TENM4: variants seen among roughly 807,000 people sequenced by gnomAD.
TENM4 encodes teneurin transmembrane protein 4.
A neutral mutation model predicts 243.3 loss-of-function variants in TENM4; 82 were observed. The observed-to-expected ratio is 0.34, with a 90% CI of 0.28 to 0.40. The LOEUF (loss-of-function observed/expected upper bound fraction) is 0.40. Ranked by LOEUF, TENM4 falls within the 10% of genes least tolerant of loss-of-function variation. The pLI, the probability that TENM4 is intolerant of heterozygous loss-of-function variation, is 1.00. For synonymous variants in TENM4, 1,412 were observed against 1,456.3 expected (o/e 0.97, Z 0.69); for missense variants, 3,138 against 3,673.3 (o/e 0.85, Z 3.77).
intron 2 of TENM4, among the ~76,000 whole-genome samples, chr11:79,218,740 T>C (rs944224703): frequency 2.6e-5 from 4 of 152,230 alleles, no homozygotes; most frequent in African/African-American, 9.7e-5. Flanking sequence ...ATTCCCTTTT[T>C]TTCCCAGAGT....
chr11:78,697,265 C>T (rs563015733), intron 28 of TENM4, among the ~76,000 whole-genome samples: 6 of 152,170 alleles, frequency 3.9e-5, no homozygotes, highest in South Asian at 4.1e-4. Context: ...TCTTTCTCCC[C>T]GGAGCTGGTG....
intron 3 of TENM4, among the ~76,000 whole-genome samples, chr11:79,201,620 G>T (rs1245414397): frequency 6.6e-6 from 1 of 152,044 alleles, no homozygotes; most frequent in African/African-American, 2.4e-5. Context: ...GAATCAACCA[G>T]AATTCCTGCC....
At chr11:78,913,171 T>A (rs1856229516) in intron 6 of TENM4, among the ~76,000 whole-genome samples, 1 of 152,228 alleles carries the variant, frequency 6.6e-6, no homozygotes, top group Non-Finnish European at 1.5e-5. Context: ...AAGGATGGAA[T>A]GAAAGAAAGG....
In TENM4 at chr11:79,189,744, G is replaced by A. The variant is rs1162797814; in HGVS notation, c.-163+26064C>T. Among the ~76,000 whole-genome samples the A allele has an allele frequency of 2.0e-5, 3 of 152,216 alleles. No homozygotes were observed. In the East Asian group the frequency reaches 5.8e-4, roughly 29 times the overall value. ...TCCTTTGATTTGAAATGGAACCAAA[G>A]CTAATATTGACTGACCACAGCTGGC... is the stretch of plus-strand genomic sequence containing the variant. On this transcript the variant is annotated intron_variant, in intron 3 of 33. Coordinates refer to ENST00000278550, the MANE Select transcript of TENM4 (RefSeq NM_001098816.3).
At chr11:78,928,260 C>A (rs1315667433) in intron 6 of TENM4, among the ~76,000 whole-genome samples, 1 of 152,164 alleles carries the variant, frequency 6.6e-6, no homozygotes, top group Admixed American at 6.5e-5. Context: ...TTAGGAGGAC[C>A]AGGGCTGTCC....
chr11:79,182,924 G>A (rs1863312014), intron 3 of TENM4, among the ~76,000 whole-genome samples: 1 of 152,200 alleles, frequency 6.6e-6, no homozygotes, highest in Non-Finnish European at 1.5e-5. Context: ...TAGTGAGGAT[G>A]TGGAGCAGCA....
At chr11:79,015,231 G>T (rs973691111) in intron 6 of TENM4, among the ~76,000 whole-genome samples, 1 of 152,192 alleles carries the variant, frequency 6.6e-6, no homozygotes, top group Non-Finnish European at 1.5e-5. Context: ...TCATTGTAGG[G>T]ATGAAGAATT....
chr11:78,868,651 C>A (rs1859048371), intron 9 of TENM4, among the ~76,000 whole-genome samples: 1 of 152,184 alleles, frequency 6.6e-6, no homozygotes, highest in South Asian at 2.1e-4. Context: ...AGCACCCGGC[C>A]AGCAGGAGGC....
chr11:79,026,885 A>C (rs943314107), intron 6 of TENM4, among the ~76,000 whole-genome samples: 3 of 152,194 alleles, frequency 2.0e-5, no homozygotes, highest in African/African-American at 7.2e-5. Context: ...CCTTCCATCC[A>C]AACAACCCTG....
chr11:79,170,617 G>T (rs1388809415), intron 3 of TENM4, among the ~76,000 whole-genome samples: 1 of 152,152 alleles, frequency 6.6e-6, no homozygotes, highest in African/African-American at 2.4e-5. Flanking sequence ...GGCAGAGACT[G>T]GGGGATGCCT....
intron 6 of TENM4, among the ~76,000 whole-genome samples, chr11:79,009,849 AAATCT>A (rs1858597004): frequency 6.6e-6 from 1 of 152,134 alleles, no homozygotes; most frequent in Non-Finnish European, 1.5e-5. Context: ...GTCCCCACCC[AAATCT>A]CACCTTGAAT....
intron 1 of TENM4, among the ~76,000 whole-genome samples, chr11:79,356,577 T>C (rs1857500078): frequency 2.6e-5 from 4 of 152,320 alleles, no homozygotes; most frequent in Non-Finnish European, 2.9e-5. Flanking sequence ...GTTTCTCCTT[T>C]ATCACATGGA....
chr11:78,853,981 CCAAG>C lies in TENM4; in HGVS notation c.1681+119_1681+122del, dbSNP rs535721130. ...CAGGCCCAGTCAGGAGGGTCTCGTG[CCAAG>C]CTCCAGGGCCATCCACAGCTCTGAC... On this transcript the variant is annotated intron_variant, in intron 12 of 33. Transcript: ENST00000278550. The C allele has an allele frequency of 2.5e-5, 25 of 983,754 alleles. No individual in the cohort carries two copies. In the African/African-American group the frequency reaches 2.6e-4, roughly 10 times the overall value. The allele number at this position is 983,754 out of a possible 1,614,324, so 60.9% of individuals were successfully genotyped here.
intron 1 of TENM4, among the ~76,000 whole-genome samples, chr11:79,392,057 C>G (rs1212132328): frequency 3.3e-5 from 5 of 152,200 alleles, no homozygotes; most frequent in Non-Finnish European, 7.3e-5. Context: ...TTATAACCAA[C>G]ACAGACTCCA....
At chr11:78,896,523 T>C (rs1398361144) in intron 7 of TENM4, among the ~76,000 whole-genome samples, 2 of 152,232 alleles carry the variant, frequency 1.3e-5, no homozygotes, top group African/African-American at 4.8e-5. Context: ...CAACCTCCTT[T>C]TCATGTAGCC....
rs566990143 is a variant in TENM4, at chr11:79,087,317, C to A, written c.-65-17308G>T. On this transcript the variant is annotated intron_variant, in intron 4 of 33. Coordinates refer to ENST00000278550, the MANE Select transcript of TENM4 (RefSeq NM_001098816.3). Reference sequence around the variant, plus strand: ...CCATGCATTCCGAGGGTGAGACAGACAAGGAAATGATTAACTACCCCCCAG... The same window carrying A: ...CCATGCATTCCGAGGGTGAGACAGAAAAGGAAATGATTAACTACCCCCCAG... Among the ~76,000 whole-genome samples the A allele has an allele frequency of 3.0e-4, 45 of 152,248 alleles. No homozygotes were observed. In the South Asian group the frequency reaches 9.1e-3, roughly 31 times the overall value.
chr11:78,886,706 TC>T (rs564022983), intron 9 of TENM4, among the ~76,000 whole-genome samples: 262 of 152,320 alleles, frequency 1.7e-3, no homozygotes, highest in South Asian at 3.3e-3. Flanking sequence ...TTGCTGACTC[TC>T]CAGGAAACAA....
chr11:79,227,466 C>T lies in TENM4; in HGVS notation c.-264-11557G>A, dbSNP rs1465617738. The stretch of plus-strand genomic sequence containing the variant: ...CTGAGAAAGACTCTGCAGGCAGGAG[C>T]GTCACTCTGTAGCCTCCAGGACAGT... On this transcript the variant is annotated intron_variant, in intron 2 of 33. Transcript: ENST00000278550. Among the ~76,000 whole-genome samples, 4 of 152,166 alleles carry T rather than the reference C, an allele frequency of 2.6e-5. No homozygotes were observed. The East Asian group carries it at 5.8e-4, about 22-fold the overall frequency.
rs549592185 is a variant in TENM4, at chr11:78,977,446, A to C, written c.494-73923T>G. The stretch of plus-strand genomic sequence containing the variant: ...AAAGTCCCCTTTTACAGATGAATAC[A>C]TTGAGGCACAGAGAGCCCAAGTGAT... On this transcript the variant is annotated intron_variant, in intron 6 of 33. Coordinates refer to ENST00000278550, the MANE Select transcript of TENM4 (RefSeq NM_001098816.3). 4.6e-5 allele frequency among the ~76,000 whole-genome samples: 7 copies of C among 152,364 alleles called. No homozygotes were observed. In the South Asian group the frequency reaches 1.5e-3, roughly 32 times the overall value.
Sources: gnomAD v4.1 joint callset for allele counts (sites outside exome capture counted in the v4.1 genomes callset) on GRCh38, gnomAD v4.1.1 for gene constraint, MANE v1.5 for transcripts, NCBI Gene and HGNC (gene_info 2026-07-23, HGNC 2026-07-21) for gene names.